ZMAT4: variants seen among roughly 807,000 people sequenced by gnomAD.
ZMAT4 encodes the protein zinc finger matrin-type protein 4.
In ZMAT4, 17 loss-of-function variants were observed where a neutral mutation model predicts 28.7. The observed-to-expected ratio is 0.59, with a 90% confidence interval of 0.41 to 0.89. ZMAT4 has a LOEUF of 0.89. Among genes scored for constraint, ZMAT4 ranks in the 40% least tolerant of loss-of-function variants. ZMAT4 has a pLI of 0.00. For missense variants in ZMAT4, 240 were observed against 283.8 expected, an observed-to-expected ratio of 0.85 and a Z score of 1.11; for synonymous variants, 117 against 109.2, an observed-to-expected ratio of 1.07 and a Z score of -0.44.
At chr8:40,837,166 G>A (rs1165595512) in intron 1 of ZMAT4, among the ~76,000 whole-genome samples, 1 of 152,140 alleles carries the variant, frequency 6.6e-6, no homozygotes, top group Admixed American at 6.5e-5. Flanking sequence ...CCACATAATT[G>A]AGTTCTGGCT....
At chr8:40,835,579 C>T (rs1363365148) in intron 1 of ZMAT4, among the ~76,000 whole-genome samples, 1 of 152,150 alleles carries the variant, frequency 6.6e-6, no homozygotes, top group Non-Finnish European at 1.5e-5. Context: ...AATAAGTATT[C>T]CATTACTGTA....
At chr8:40,576,323 C>G (rs1804261697) in intron 6 of ZMAT4, among the ~76,000 whole-genome samples, 2 of 151,234 alleles carry the variant, frequency 1.3e-5, no homozygotes, top group Non-Finnish European at 3.0e-5. Flanking sequence ...CTCAAAAGTT[C>G]CCAAGTAGAT....
intron 2 of ZMAT4, among the ~76,000 whole-genome samples, chr8:40,805,704 C>T (rs989021903): frequency 6.8e-6 from 1 of 147,628 alleles, no homozygotes; most frequent in Admixed American, 6.9e-5. Context: ...AAACCAAACA[C>T]CGCATATTCT....
chr8:40,825,884 G>A (rs1293696279), intron 1 of ZMAT4, among the ~76,000 whole-genome samples: 1 of 152,176 alleles, frequency 6.6e-6, no homozygotes, highest in Non-Finnish European at 1.5e-5. Context: ...GCCCAACAGA[G>A]TTGCTTTACC....
chr8:40,606,215 G>A (rs1474527453), intron 5 of ZMAT4, among the ~76,000 whole-genome samples: 1 of 152,116 alleles, frequency 6.6e-6, no homozygotes, highest in Non-Finnish European at 1.5e-5. Context: ...TCTTCATCAT[G>A]CTAGTTGTTT....
chr8:40,819,532 C>A (rs753971485), intron 2 of ZMAT4, among the ~76,000 whole-genome samples: 8 of 152,130 alleles, frequency 5.3e-5, no homozygotes, highest in Non-Finnish European at 1.0e-4. Flanking sequence ...GAGCAAAGCT[C>A]TACAGGGGGG....
At chr8:40,715,350 G>A (rs1374508192) in intron 3 of ZMAT4, among the ~76,000 whole-genome samples, 1 of 152,144 alleles carries the variant, frequency 6.6e-6, no homozygotes, top group Non-Finnish European at 1.5e-5. Flanking sequence ...GGTACCCAGA[G>A]TGAGAGGCAA....
rs1217316034 is a variant in ZMAT4 at position 40,589,971 on chromosome 8, CCCTTCCTT to C, written c.578-8718_578-8711del. Among the ~76,000 whole-genome samples, 16 of 28,818 alleles carry C rather than the reference CCCTTCCTT, an allele frequency of 5.6e-4. 1 individual carries two copies. Among genetic ancestry groups the C allele is most frequent in the East Asian group, 9.3e-4 (1 of 1,080 alleles). 18.9% of individuals were successfully genotyped at this position (28,818 alleles called of 152,430 possible). The stretch of plus-strand genomic sequence containing the variant: ...TTCCTTCTTCCCTCCTTCCCTCCCT[CCCTTCCTT>C]CCTTCCTTCCTTCCTTCCTTCCTTC... On this transcript the variant is annotated intron_variant, in intron 5 of 6. Coordinates refer to ENST00000297737, the MANE Select transcript of ZMAT4 (RefSeq NM_024645.3).
At chr8:40,541,637 G>T (rs915623501) in intron 6 of ZMAT4, among the ~76,000 whole-genome samples, 1 of 152,060 alleles carries the variant, frequency 6.6e-6, no homozygotes, top group African/African-American at 2.4e-5. Context: ...GACAGTTCTG[G>T]GCTAGTGTCA....
intron 1 of ZMAT4, among the ~76,000 whole-genome samples, chr8:40,829,253 C>T (rs1816187670): frequency 6.6e-6 from 1 of 152,210 alleles, no homozygotes; most frequent in Non-Finnish European, 1.5e-5. Flanking sequence ...AGGCCCAGCA[C>T]ATTGCAAAGG....
intron 2 of ZMAT4, among the ~76,000 whole-genome samples, chr8:40,792,186 G>A (rs760025587): frequency 3.3e-5 from 5 of 152,030 alleles, no homozygotes; most frequent in African/African-American, 1.2e-4. Context: ...AGCATATGCT[G>A]TGTTGAACCA....
At position 40,581,217 on chromosome 8, in the gene ZMAT4, T is replaced by G. The variant is rs1804454540; in HGVS notation, c.622A>C (p.Asn208His). Residue 208 changes from asparagine (N) to histidine (H), a missense_variant, in exon 6 of 7, where the codon AAC becomes CAC. Physicochemically the swap from Asn to His is moderately conservative, Grantham distance 68. Transcript: ENST00000297737. ...TGGGCATGATACTGTTCTATTGAGT[T>G]TAGGGAGACACTGCAGATGGTACAT... is the stretch of plus-strand genomic sequence containing the variant. ...YRCTICSVSL[N>H]SIEQYHAHLK... 1 of 1,613,414 alleles carries G rather than the reference T, an allele frequency of 6.2e-7. No individual in the cohort carries two copies. The highest frequency in any genetic ancestry group is 8.5e-7 in the Non-Finnish European group (1 of 1,179,608).
At chr8:40,727,972 A>G (rs1020751401) in intron 3 of ZMAT4, among the ~76,000 whole-genome samples, 6 of 152,204 alleles carry the variant, frequency 3.9e-5, no homozygotes, top group African/African-American at 1.2e-4. Flanking sequence ...ATAATGAAAT[A>G]CCAAAAGCAA....
In ZMAT4 at chr8:40,601,405, A is replaced by AAAGGAAGG. The variant is rs1165716784; in HGVS notation, c.578-20152_578-20145dup. ...AGAAGGAAGGAAGGAAGGAGGAAAG[A>AAAGGAAGG]AAGGAAGGAAGGAAGGAAGGAAGGA... is the stretch of plus-strand genomic sequence containing the variant. On this transcript the variant is annotated intron_variant, in intron 5 of 6. Transcript: ENST00000297737. 3.5e-3 allele frequency among the ~76,000 whole-genome samples: 253 copies of AAAGGAAGG among 72,252 alleles called. 5 individuals are homozygous for AAAGGAAGG. Among genetic ancestry groups the AAAGGAAGG allele is most frequent in the African/African-American group, 0.015 (235 of 15,928 alleles). The allele number at this position is 72,252 out of a possible 152,430, so 47.4% of individuals were successfully genotyped here. A position where few individuals can be genotyped will look rare whatever the true frequency, so the allele number is the denominator to read the frequency against.
intron 5 of ZMAT4, among the ~76,000 whole-genome samples, chr8:40,664,724 G>T (rs181529355): frequency 1.3e-5 from 2 of 152,322 alleles, no homozygotes; most frequent in East Asian, 3.9e-4. Context: ...GTCATTTGTC[G>T]TTGTAAGCCA....
At chr8:40,854,353 G>A (rs1289947317) in intron 1 of ZMAT4, among the ~76,000 whole-genome samples, 2 of 152,182 alleles carry the variant, frequency 1.3e-5, no homozygotes, top group African/African-American at 2.4e-5. Flanking sequence ...AATTCCTATA[G>A]AGAGTGAAGC....
chr8:40,576,485 C>T (rs931419831), intron 6 of ZMAT4, among the ~76,000 whole-genome samples: 1 of 151,190 alleles, frequency 6.6e-6, no homozygotes, highest in African/African-American at 2.4e-5. Flanking sequence ...TAGCAGAAAC[C>T]TCACAGGCCA....
chr8:40,538,432 A>C (rs1802918492), intron 6 of ZMAT4, among the ~76,000 whole-genome samples: 1 of 152,224 alleles, frequency 6.6e-6, no homozygotes, highest in Admixed American at 6.5e-5. Flanking sequence ...TAAAATGTGT[A>C]TAAAACCAAG....
At chr8:40,587,844 C>T (rs1258914679) in intron 5 of ZMAT4, among the ~76,000 whole-genome samples, 1 of 151,826 alleles carries the variant, frequency 6.6e-6, no homozygotes, top group Non-Finnish European at 1.5e-5. Flanking sequence ...AAAGGAAGAT[C>T]AAATATACAC....
Sources: gnomAD v4.1 joint callset for allele counts (sites outside exome capture counted in the v4.1 genomes callset) on GRCh38, gnomAD v4.1.1 for gene constraint, MANE v1.5 for transcripts, NCBI Gene and HGNC (gene_info 2026-07-23, HGNC 2026-07-21) for gene names.